NALF2: variants seen among roughly 807,000 people sequenced by gnomAD.
The protein encoded by NALF2 is NALCN channel auxiliary factor 2.
Under a neutral mutation model 24.8 loss-of-function variants are expected in NALF2, and 1 was observed. The observed-to-expected ratio is 0.04, with a 90% CI of 0.01 to 0.19. The LOEUF is 0.19. Ranked by LOEUF, NALF2 falls within the 10% of genes least tolerant of loss-of-function variation. The pLI is 1.00. For missense variants in NALF2, 458 were observed against 409.6 expected, an observed-to-expected ratio of 1.12 and a Z score of -1.02; for synonymous variants, 254 against 189.8, an observed-to-expected ratio of 1.34 and a Z score of -2.78.
Position 69,505,384 on chromosome X carries a change from C to G in NALF2, c.102C>G (p.Cys34Trp). Reference sequence around the variant, plus strand: ...CTCCCAGGCCGAGCGACAAACCTTGCGCCGACTCCGAGCGGGCGCAGCGAT... The same window carrying G: ...CTCCCAGGCCGAGCGACAAACCTTGGGCCGACTCCGAGCGGGCGCAGCGAT... ...CWAPRPSDKP[C>W]ADSERAQRWR... is the part of the protein sequence containing the mutation. Residue 34 changes from cysteine to tryptophan, a missense_variant, in exon 1 of 3, where the codon TGC (cysteine) becomes TGG (tryptophan). Cys to Trp is a radical substitution (Grantham distance 215, BLOSUM62 -2). Transcript: ENST00000252338. The G allele has an allele frequency of 8.6e-7, 1 of 1,159,210 alleles. No individual in the cohort carries two copies. The highest frequency in any genetic ancestry group is 1.1e-6 in the Non-Finnish European group (1 of 869,616).
At position 69,508,224 on chromosome X, in the gene NALF2, G is replaced by T. The variant is rs1005246996; in HGVS notation, c.861+2081G>T. On this transcript the variant is annotated intron_variant, in intron 1 of 2. Transcript: ENST00000252338. ...CATCTGACATTAATGTAATGCTTAA[G>T]GTTTTTCCGCCCCTCTCGTGTGTGT... Among the ~76,000 whole-genome samples, 5 of 111,745 alleles carry T rather than the reference G, an allele frequency of 4.5e-5. No individual in the cohort carries two copies. The East Asian group carries it at 8.4e-4, about 19-fold the overall frequency.
intron 1 of NALF2, among the ~76,000 whole-genome samples, chrX:69,525,680 A>G (rs1930797275): frequency 9.3e-6 from 1 of 108,102 alleles, no homozygotes. Flanking sequence ...ACCCTCTGTT[A>G]TGTCCCTACC....
chrX:69,513,452 G>A (rs927304325), intron 1 of NALF2, among the ~76,000 whole-genome samples: 2 of 112,379 alleles, frequency 1.8e-5, no homozygotes, highest in Admixed American at 1.9e-4. Flanking sequence ...AGTCCACCAA[G>A]TTCTGCCAGA....
intron 1 of NALF2, among the ~76,000 whole-genome samples, chrX:69,526,518 T>G (rs1010293038): frequency 8.9e-6 from 1 of 112,394 alleles, no homozygotes; most frequent in Non-Finnish European, 1.9e-5. Flanking sequence ...AAAGTGTATA[T>G]TGTGCCGAGT....
At chrX:69,506,293 T>C in intron 1 of NALF2, 150 bp downstream of exon 1, 1 of 597,872 alleles carries the variant, frequency 1.7e-6, no homozygotes, top group Non-Finnish European at 2.6e-6. Flanking sequence ...CCCTGGGACC[T>C]TCCCTAGTGA....
At chrX:69,506,255 C>A in intron 1 of NALF2, 112 bp downstream of exon 1, 1 of 867,957 alleles carries the variant, frequency 1.2e-6, no homozygotes, top group South Asian at 2.4e-5. Context: ...CCACTCCCAC[C>A]GTGCCCAGTG....
At chrX:69,522,651 C>G (rs1930749163) in intron 1 of NALF2, among the ~76,000 whole-genome samples, 2 of 112,342 alleles carry the variant, frequency 1.8e-5, no homozygotes, top group South Asian at 7.5e-4. Context: ...TCTACCAATC[C>G]CAGTGAACTA....
intron 1 of NALF2, among the ~76,000 whole-genome samples, chrX:69,526,057 TGA>T (rs1431788317): frequency 3.6e-5 from 4 of 112,105 alleles, no homozygotes; most frequent in Non-Finnish European, 7.5e-5. Context: ...CACAAGTGTG[TGA>T]GAGATGTGTG....
Position 69,518,543 on chromosome X carries a change from A to ATTGCT in NALF2, c.862-10450_862-10449insTTGCT, listed in dbSNP as rs1273163585. Among the ~76,000 whole-genome samples the ATTGCT allele has an allele frequency of 3.8e-3, 425 of 111,052 alleles. 2 individuals are homozygous for ATTGCT. Among genetic ancestry groups the ATTGCT allele is most frequent in the Non-Finnish European group, 5.9e-3 (311 of 52,970 alleles). On this transcript the variant is annotated intron_variant, in intron 1 of 2. Coordinates refer to ENST00000252338, the MANE Select transcript of NALF2 (RefSeq NM_015686.3). Reference sequence around the variant, plus strand: ...CCTCAATATTTCTAAATGGTATGCTAATATTGCTATTTCTTGTTTTTTTCT... The same window carrying ATTGCT: ...CCTCAATATTTCTAAATGGTATGCTATTGCTATATTGCTATTTCTTGTTTTTTTCT...
intron 1 of NALF2, among the ~76,000 whole-genome samples, chrX:69,523,581 C>T (rs6625474): frequency 0.39 from 42,953 of 110,613 alleles, 8,049 homozygotes; most frequent in East Asian, 0.79. Context: ...ATTTCCTGCT[C>T]CCTTCCCCTC....
At chrX:69,516,557 C>T (rs1305357864) in intron 1 of NALF2, among the ~76,000 whole-genome samples, 2 of 112,142 alleles carry the variant, frequency 1.8e-5, no homozygotes, top group African/African-American at 3.2e-5. Context: ...TGGACTCTGG[C>T]ATTGGAGTCT....
rs1209093680 is a variant in NALF2 at position 69,504,821 on chromosome X, G to GGGCCCGCACGGCGGCGC, written c.-461_-445dup. On this transcript the variant is annotated 5_prime_UTR_variant, in exon 1 of 3. Transcript: ENST00000252338. ...GGGAGCGGAGCGGAGCGCGGCGGCG[G>GGGCCCGCACGGCGGCGC]GGCCCGCACGGCGGCGCTGAGGGGC... is the stretch of plus-strand genomic sequence containing the variant. 2.8e-5 allele frequency among the ~76,000 whole-genome samples: 3 copies of GGGCCCGCACGGCGGCGC among 108,255 alleles called. No individual in the cohort carries two copies. Among genetic ancestry groups the GGGCCCGCACGGCGGCGC allele is most frequent in the African/African-American group, 9.8e-5 (3 of 30,494 alleles). The allele number at this position is 108,255 out of a possible 115,157, so 94.0% of individuals were successfully genotyped here.
chrX:69,504,773 G>A lies in NALF2; in HGVS notation c.-510G>A, dbSNP rs892642678. On this transcript the variant is annotated 5_prime_UTR_variant, in exon 1 of 3. Coordinates refer to ENST00000252338, the MANE Select transcript of NALF2 (RefSeq NM_015686.3). ...GGAGCGGGCAGCGGGCGGACGGGCG[G>A]GAGCGGAGCGGCGCGGGGCGAGGGG... Among the ~76,000 whole-genome samples the A allele has an allele frequency of 2.5e-4, 27 of 108,983 alleles. No homozygotes were observed. The highest frequency in any genetic ancestry group is 2.1e-3 in the Admixed American group (22 of 10,589). 94.6% of individuals were successfully genotyped at this position (108,983 alleles called of 115,157 possible).
At chrX:69,520,640 A>T (rs962318167) in intron 1 of NALF2, among the ~76,000 whole-genome samples, 2 of 111,536 alleles carry the variant, frequency 1.8e-5, no homozygotes, top group African/African-American at 6.5e-5. Flanking sequence ...CTCAAAGTCA[A>T]CATGACCCCA....
Position 69,530,030 on chromosome X carries a change from T to A in NALF2, c.*74T>A. 1 of 675,194 alleles carries A rather than the reference T, an allele frequency of 1.5e-6. No individual in the cohort carries two copies. Among genetic ancestry groups the A allele is most frequent in the Non-Finnish European group, 2.0e-6 (1 of 488,459 alleles). The allele number at this position is 675,194 out of a possible 1,213,427, so 55.6% of individuals were successfully genotyped here. On this transcript the variant is annotated 3_prime_UTR_variant, in exon 3 of 3. Transcript: ENST00000252338. ...TCCCCCAGGTTGGGGGGGAGGGGGC[T>A]CCTCCCATGGGAGGTGTAGGATAAG... is the stretch of plus-strand genomic sequence containing the variant.
chrX:69,524,645 G>A (rs181551939), intron 1 of NALF2, among the ~76,000 whole-genome samples: 12 of 56,927 alleles, frequency 2.1e-4, no homozygotes, highest in East Asian at 1.4e-3. Flanking sequence ...AACCTCCCCC[G>A]TCAACCCCTG....
At chrX:69,523,451 G>A (rs1215682058) in intron 1 of NALF2, among the ~76,000 whole-genome samples, 2 of 112,203 alleles carry the variant, frequency 1.8e-5, no homozygotes, top group African/African-American at 6.5e-5. Context: ...GCCCAGGAGG[G>A]GTGGTGACAC....
chrX:69,515,246 G>A (rs1930645855), intron 1 of NALF2, among the ~76,000 whole-genome samples: 1 of 111,876 alleles, frequency 8.9e-6, no homozygotes, highest in African/African-American at 3.2e-5. Context: ...ACTGCCTGAG[G>A]TCCCTGATGT....
At chrX:69,523,712 G>A (rs1044151537) in intron 1 of NALF2, among the ~76,000 whole-genome samples, 2 of 103,626 alleles carry the variant, frequency 1.9e-5, no homozygotes, top group African/African-American at 6.9e-5. Flanking sequence ...CCCATCCCCC[G>A]CTGCCATCTC....
Sources: gnomAD v4.1 joint callset for allele counts (sites outside exome capture counted in the v4.1 genomes callset) on GRCh38, gnomAD v4.1.1 for gene constraint, MANE v1.5 for transcripts, NCBI Gene and HGNC (gene_info 2026-07-23, HGNC 2026-07-21) for gene names.